MTTP: variants seen among roughly 807,000 people sequenced by gnomAD.
MTTP encodes the protein microsomal triglyceride transfer protein large subunit.
In MTTP, 49 loss-of-function variants were observed where a neutral mutation model predicts 90.6. The ratio of observed to expected loss-of-function variants is 0.54; its 90% CI spans 0.43 to 0.69. The LOEUF is 0.69. Among genes scored for constraint, MTTP ranks in the 30% least tolerant of loss-of-function variants. The probability of loss-of-function intolerance (pLI) is 0.00; values close to 1 mark genes in which losing one functional copy is unlikely to be tolerated. For synonymous variants in MTTP, 347 were observed against 384.2 expected (o/e 0.90, Z 1.13); for missense variants, 945 against 1,067.5 (o/e 0.89, Z 1.60).
Position 99,622,959 on chromosome 4 carries a change from A to C in MTTP, c.*111A>C. 7.4e-7 allele frequency: 1 copy of C among 1,342,798 alleles called. No homozygotes were observed. Among genetic ancestry groups the C allele is most frequent in the Non-Finnish European group, 1.1e-6 (1 of 938,890 alleles). 83.2% of individuals were successfully genotyped at this position (1,342,798 alleles called of 1,614,324 possible). A position where few individuals can be genotyped will look rare whatever the true frequency, so the allele number is the denominator to read the frequency against. ...AGCGTTTACATATTTACCTGTATTT[A>C]AGATTTTTGTAAAAAGCTACAAAAA... On this transcript the variant is annotated 3_prime_UTR_variant, in exon 18 of 18. Transcript: ENST00000265517.
At chr4:99,622,027 A>G (rs1726246878) in intron 17 of MTTP, among the ~76,000 whole-genome samples, 2 of 152,186 alleles carry the variant, frequency 1.3e-5, no homozygotes, top group Admixed American at 1.3e-4. Flanking sequence ...CTGACATTTC[A>G]TGATTCATAT....
chr4:99,586,178 T>G (rs1560615524), intron 3 of MTTP, among the ~76,000 whole-genome samples: 1 of 152,168 alleles, frequency 6.6e-6, no homozygotes, highest in Non-Finnish European at 1.5e-5. Context: ...TTAAAATACT[T>G]AGATACATAT....
At chr4:99,566,401 A>T (rs1454966498) in intron 1 of MTTP, among the ~76,000 whole-genome samples, 1 of 152,180 alleles carries the variant, frequency 6.6e-6, no homozygotes, top group Non-Finnish European at 1.5e-5. Context: ...AACAGATTTT[A>T]AAAAGAATGA....
chr4:99,605,995 G>C (rs545595175), intron 10 of MTTP, among the ~76,000 whole-genome samples: 2 of 152,048 alleles, frequency 1.3e-5, no homozygotes, highest in Admixed American at 1.3e-4. Flanking sequence ...AAATTTTTCA[G>C]CCTAGACTCT....
upstream of MTTP, chr4:99,574,720 C>A: frequency 7.6e-7 from 1 of 1,313,356 alleles, no homozygotes; most frequent in Non-Finnish European, 1.1e-6. Context: ...TACGTTTAAT[C>A]ATTAATAGTG....
chr4:99,568,664 C>G (rs28789770), intron 1 of MTTP, among the ~76,000 whole-genome samples: 39,793 of 151,850 alleles, frequency 0.26, 5,383 homozygotes, highest in South Asian at 0.35. Context: ...CACAAGATGA[C>G]CTGGGAGCAT....
At chr4:99,585,671 A>G (rs1035759466) in intron 3 of MTTP, among the ~76,000 whole-genome samples, 2 of 152,118 alleles carry the variant, frequency 1.3e-5, no homozygotes, top group African/African-American at 4.8e-5. Context: ...CTGAGTACAA[A>G]GTCTTCTGCT....
chr4:99,593,550 T>C (rs2110219831), intron 6 of MTTP, among the ~76,000 whole-genome samples: 1 of 152,288 alleles, frequency 6.6e-6, no homozygotes, highest in East Asian at 1.9e-4. Context: ...AACTAGAATG[T>C]TAAATCTTAG....
intron 1 of MTTP, among the ~76,000 whole-genome samples, chr4:99,576,884 G>A (rs1219183660): frequency 2.0e-5 from 3 of 152,000 alleles, no homozygotes; most frequent in African/African-American, 7.2e-5. Flanking sequence ...CCACTTTTGA[G>A]AAAAGATTAC....
rs116105263 is a variant in MTTP, at chr4:99,602,813, T to C, written c.1344+1099T>C. Reference sequence around the variant, plus strand: ...AAGATAAAACCCACATATCAAAAGATCTATTCAGCAGTATTTAATGAGCAT... The same window carrying C: ...AAGATAAAACCCACATATCAAAAGACCTATTCAGCAGTATTTAATGAGCAT... On this transcript the variant is annotated intron_variant, in intron 10 of 17. Coordinates refer to ENST00000265517, the MANE Select transcript of MTTP (RefSeq NM_001386140.1). Among the ~76,000 whole-genome samples the C allele has an allele frequency of 3.4e-3, 523 of 152,268 alleles. 2 individuals are homozygous for C. The highest frequency in any genetic ancestry group is 6.1e-3 in the Non-Finnish European group (417 of 68,002).
chr4:99,600,626 G>C lies in MTTP; in HGVS notation c.1129G>C (p.Asp377His). 6.2e-7 allele frequency: 1 copy of C among 1,613,746 alleles called. No homozygotes were observed. Among genetic ancestry groups the C allele is most frequent in the South Asian group, 1.1e-5 (1 of 91,072 alleles). Residue 377 changes from aspartate (D) to histidine (H), a missense_variant, in exon 9 of 18, where the codon GAC (aspartate) becomes CAC (histidine). Coordinates refer to ENST00000265517, the MANE Select transcript of MTTP (RefSeq NM_001386140.1). The stretch of plus-strand genomic sequence containing the variant: ...CTCAGACTCATTAGAAGCCATTTTG[G>C]ACTTTTTGGATTTCAAAAGTGACAG... ...QTSDSLEAILDFLDFKSDSSI... is the reference protein window; with the variant it reads ...QTSDSLEAILHFLDFKSDSSI...
Position 99,574,916 on chromosome 4 carries a change from C to T in MTTP, c.7C>T (p.Leu3Phe). ...TTGAGGATTGCTGGTCAATATGATTCTTCTTGCTGTGCTTTTTCTCTGCTT... is the reference window on the plus strand; with the variant it reads ...TTGAGGATTGCTGGTCAATATGATTTTTCTTGCTGTGCTTTTTCTCTGCTT... MI[L>F]LAVLFLCFIS... Residue 3 changes from leucine (L) to phenylalanine (F), a missense_variant, in exon 1 of 18, where the codon CTT becomes TTT. Leu to Phe is a conservative substitution (Grantham distance 22). Transcript: ENST00000265517. 1 of 1,614,180 alleles carries T rather than the reference C, an allele frequency of 6.2e-7. No individual in the cohort carries two copies. Among genetic ancestry groups the T allele is most frequent in the Non-Finnish European group, 8.5e-7 (1 of 1,180,020 alleles).
intron 8 of MTTP, among the ~76,000 whole-genome samples, chr4:99,599,696 A>C (rs1449386397): frequency 2.6e-5 from 4 of 152,154 alleles, no homozygotes; most frequent in Non-Finnish European, 5.9e-5. Flanking sequence ...TAGACACATA[A>C]AATTTTTAGT....
intron 10 of MTTP, among the ~76,000 whole-genome samples, chr4:99,605,667 G>A (rs913798215): frequency 6.6e-6 from 1 of 152,052 alleles, no homozygotes; most frequent in Admixed American, 6.5e-5. Flanking sequence ...GCTTTCATCA[G>A]CAATTTATGA....
chr4:99,595,689 A>G (rs1438047812), intron 7 of MTTP: 1 of 152,138 alleles, frequency 6.6e-6, no homozygotes, highest in Non-Finnish European at 1.5e-5. Flanking sequence ...AAATTGAGTT[A>G]GAGGAAAAAG....
intron 11 of MTTP, among the ~76,000 whole-genome samples, chr4:99,608,118 A>G (rs1048843262): frequency 3.3e-5 from 5 of 152,172 alleles, no homozygotes; most frequent in African/African-American, 1.2e-4. Flanking sequence ...TGCTGCAATA[A>G]AAAATGTCCC....
rs1560627367 is a variant in MTTP at position 99,619,020 on chromosome 4, G to GTGGTC, written c.2266_2270dup (p.Ala758ValfsTer2). ...CTAAAAGCCAATATAGAGGTCCAGG[G>GTGGTC]TGGTCTAGCTATTGATATTTCAGGT... On this transcript the variant is annotated frameshift_variant, in exon 16 of 18. Coordinates refer to ENST00000265517, the MANE Select transcript of MTTP (RefSeq NM_001386140.1). LOFTEE classifies it high-confidence loss of function. The GTGGTC allele has an allele frequency of 6.2e-7, 1 of 1,613,582 alleles. No homozygotes were observed. The highest frequency in any genetic ancestry group is 1.1e-5 in the South Asian group (1 of 91,074).
intron 1 of MTTP, among the ~76,000 whole-genome samples, chr4:99,565,168 G>T (rs1724643170): frequency 6.6e-6 from 1 of 152,152 alleles, no homozygotes; most frequent in African/African-American, 2.4e-5. Context: ...TTAAATTCAG[G>T]CTGGCAAAGT....
chr4:99,608,832 G>T lies in MTTP; in HGVS notation c.1624G>T (p.Ala542Ser). The change falls in exon 12 of 18, where the codon GCT becomes TCT. Residue 542 changes from alanine (A) to serine (S), a missense_variant. Coordinates refer to ENST00000265517, the MANE Select transcript of MTTP (RefSeq NM_001386140.1). ...RKVHEKTVRT[A>S]AAAIILNNNP... Reference sequence around the variant, plus strand: ...AGTTCATGAAAAGACTGTGCGCACTGCTGCAGCTGCTATCATTTTAAATAA... The same window carrying T: ...AGTTCATGAAAAGACTGTGCGCACTTCTGCAGCTGCTATCATTTTAAATAA... 6.2e-7 allele frequency: 1 copy of T among 1,614,106 alleles called. No homozygotes were observed. The highest frequency in any genetic ancestry group is 8.5e-7 in the Non-Finnish European group (1 of 1,179,990).
Sources: gnomAD v4.1 joint callset for allele counts (sites outside exome capture counted in the v4.1 genomes callset) on GRCh38, gnomAD v4.1.1 for gene constraint, MANE v1.5 for transcripts, NCBI Gene and HGNC (gene_info 2026-07-23, HGNC 2026-07-21) for gene names.